The following EXOC4 variants were observed in gnomAD, a reference collection of about 807,000 sequenced individuals.
EXOC4 encodes the protein exocyst complex component 4.
Under a neutral mutation model 107.2 loss-of-function variants are expected in EXOC4, and 71 were observed. The ratio of observed to expected loss-of-function variants is 0.66; its 90% CI spans 0.55 to 0.81. The LOEUF (loss-of-function observed/expected upper bound fraction) is 0.81, where lower values mean the gene tolerates loss of function less well. Among genes scored for constraint, EXOC4 ranks in the 30% least tolerant of loss-of-function variants. The pLI is 0.00. For missense variants in EXOC4, 1,108 were observed against 1,189.6 expected, an observed-to-expected ratio of 0.93 and a Z score of 1.01; for synonymous variants, 456 against 441.2, an observed-to-expected ratio of 1.03 and a Z score of -0.42.
intron 11 of EXOC4, among the ~76,000 whole-genome samples, chr7:133,859,407 C>T (rs912493677): frequency 3.3e-5 from 5 of 152,264 alleles, no homozygotes; most frequent in East Asian, 3.9e-4. Context: ...CACTGGTTCC[C>T]GCTGGGCTTG....
chr7:133,746,122 CTTGTT>C (rs993137412), intron 10 of EXOC4, among the ~76,000 whole-genome samples: 44 of 152,158 alleles, frequency 2.9e-4, no homozygotes, highest in African/African-American at 1.0e-3. Context: ...TACATGTTCA[CTTGTT>C]TTGTTTTGTT....
intron 1 of EXOC4, among the ~76,000 whole-genome samples, chr7:133,265,753 A>T (rs1160660601): frequency 1.3e-5 from 2 of 152,178 alleles, no homozygotes; most frequent in Admixed American, 6.5e-5. Context: ...TCTTTAGTAG[A>T]CAATTAAGCC....
At chr7:133,738,160 C>T (rs1461985003) in intron 10 of EXOC4, among the ~76,000 whole-genome samples, 3 of 151,956 alleles carry the variant, frequency 2.0e-5, no homozygotes, top group Non-Finnish European at 4.4e-5. Flanking sequence ...GATCCTCCTG[C>T]TTCGGCCTCC....
intron 7 of EXOC4, among the ~76,000 whole-genome samples, chr7:133,396,814 A>G (rs1796979507): frequency 6.6e-6 from 1 of 152,172 alleles, no homozygotes; most frequent in African/African-American, 2.4e-5. Flanking sequence ...GACTTTTTCA[A>G]GGTCATTATC....
intron 14 of EXOC4, among the ~76,000 whole-genome samples, chr7:133,996,297 G>C (rs1186535589): frequency 6.6e-6 from 1 of 152,060 alleles, no homozygotes; most frequent in African/African-American, 2.4e-5. Context: ...TAAATAATTA[G>C]CTCTTGGTCA....
chr7:134,029,729 T>C (rs6946805), intron 17 of EXOC4, among the ~76,000 whole-genome samples: 111,904 of 151,936 alleles, frequency 0.74, 42,118 homozygotes, highest in East Asian at 0.91. Context: ...CCATGTTGCC[T>C]AGGCTGGTCT....
chr7:133,886,672 A>G (rs1799093749), intron 11 of EXOC4, among the ~76,000 whole-genome samples: 1 of 152,214 alleles, frequency 6.6e-6, no homozygotes, highest in African/African-American at 2.4e-5. Context: ...AGAAATTATA[A>G]TGAAGAAAAT....
intron 10 of EXOC4, among the ~76,000 whole-genome samples, chr7:133,787,831 G>A (rs138902041): frequency 6.6e-6 from 1 of 150,790 alleles, no homozygotes; most frequent in East Asian, 2.0e-4. Flanking sequence ...GGGGGTTTGA[G>A]TTTCAACATA....
intron 10 of EXOC4, among the ~76,000 whole-genome samples, chr7:133,778,246 C>T (rs1796386964): frequency 6.6e-6 from 1 of 152,098 alleles, no homozygotes; most frequent in Non-Finnish European, 1.5e-5. Context: ...AAGCAAGTTC[C>T]TCATGAATCC....
chr7:133,269,756 T>G (rs932978230), intron 1 of EXOC4, among the ~76,000 whole-genome samples: 1 of 152,200 alleles, frequency 6.6e-6, no homozygotes, highest in African/African-American at 2.4e-5. Context: ...GTGTTCATGT[T>G]GTGGGATATA....
chr7:133,700,664 T>C (rs1231909127), intron 10 of EXOC4, among the ~76,000 whole-genome samples: 1 of 152,192 alleles, frequency 6.6e-6, no homozygotes, highest in Non-Finnish European at 1.5e-5. Context: ...TAATAAATAA[T>C]AGACAATCCA....
At chr7:133,919,570 C>G (rs1799891888) in intron 13 of EXOC4, among the ~76,000 whole-genome samples, 1 of 152,160 alleles carries the variant, frequency 6.6e-6, no homozygotes, top group Non-Finnish European at 1.5e-5. Context: ...CTGGCAACCA[C>G]TGATCTTTTT....
chr7:133,297,856 T>C (rs1794553115), intron 3 of EXOC4, among the ~76,000 whole-genome samples: 1 of 152,226 alleles, frequency 6.6e-6, no homozygotes, highest in Non-Finnish European at 1.5e-5. Context: ...GTTTGCACAC[T>C]TGAGTGTACA....
At chr7:133,681,263 A>G (rs1794181006) in intron 10 of EXOC4, among the ~76,000 whole-genome samples, 3 of 152,204 alleles carry the variant, frequency 2.0e-5, no homozygotes, top group Non-Finnish European at 4.4e-5. Flanking sequence ...TGTAACTTAG[A>G]GAAATTAGGT....
chr7:133,382,943 A>G lies in EXOC4; in HGVS notation c.1182+7941A>G, dbSNP rs1338363959. Among the ~76,000 whole-genome samples, 3 of 152,196 alleles carry G rather than the reference A, an allele frequency of 2.0e-5. No individual in the cohort carries two copies. The East Asian group carries it at 5.8e-4, about 29-fold the overall frequency. On this transcript the variant is annotated intron_variant, in intron 7 of 17. Transcript: ENST00000253861. ...ACAGTGAGGAGACAAGGCTATAGCT[A>G]TCATAGTAACGGGGTGTTATAGTTT...
Position 133,817,455 on chromosome 7 carries a change from G to A in EXOC4, c.1645G>A (p.Glu549Lys). ...QVLAEINKEI[E>K]GVTKTSDPLK... ...CTTGGCTGAGATCAACAAGGAGATT[G>A]AAGGAGTCACTAAAACATCTGACCC... The change falls in exon 11 of 18, where the codon GAA becomes AAA. Residue 549 changes from glutamate to lysine, a missense_variant. Transcript: ENST00000253861. The A allele has an allele frequency of 6.2e-7, 1 of 1,614,150 alleles. No homozygotes were observed. The highest frequency in any genetic ancestry group is 8.5e-7 in the Non-Finnish European group (1 of 1,180,002).
chr7:133,288,712 G>A (rs1233918644), intron 2 of EXOC4, among the ~76,000 whole-genome samples: 1 of 152,118 alleles, frequency 6.6e-6, no homozygotes, highest in Admixed American at 6.6e-5. Context: ...TCATTTCATG[G>A]GAGTGAAATT....
At chr7:133,888,139 A>G (rs987406732) in intron 11 of EXOC4, among the ~76,000 whole-genome samples, 3 of 152,194 alleles carry the variant, frequency 2.0e-5, no homozygotes, top group Admixed American at 6.5e-5. Context: ...AGAAACTTCT[A>G]CCACCAAATC....
chr7:133,411,143 A>G (rs1013501583), intron 7 of EXOC4, among the ~76,000 whole-genome samples: 1 of 152,180 alleles, frequency 6.6e-6, no homozygotes, highest in Non-Finnish European at 1.5e-5. Flanking sequence ...TTTAATCCAT[A>G]TACTATACCC....
Sources: gnomAD v4.1 joint callset for allele counts (sites outside exome capture counted in the v4.1 genomes callset) on GRCh38, gnomAD v4.1.1 for gene constraint, MANE v1.5 for transcripts, NCBI Gene and HGNC (gene_info 2026-07-23, HGNC 2026-07-21) for gene names.